CSMD3: variants seen among roughly 807,000 people sequenced by gnomAD.
CSMD3 encodes the protein CUB and Sushi multiple domains 3.
Under a neutral mutation model 435.2 loss-of-function variants are expected in CSMD3, and 177 were observed. The observed-to-expected ratio is 0.41, with a 90% CI of 0.36 to 0.46. The LOEUF (loss-of-function observed/expected upper bound fraction) is 0.46. Ranked by LOEUF, CSMD3 falls within the 20% of genes least tolerant of loss-of-function variation. The pLI is 0.34. For missense variants in CSMD3, 4,265 were observed against 4,504.6 expected, an observed-to-expected ratio of 0.95 and a Z score of 1.52; for synonymous variants, 1,656 against 1,520.5, an observed-to-expected ratio of 1.09 and a Z score of -2.07.
intron 50 of CSMD3, chr8:112,310,765 G>A (rs1821899604): frequency 4.7e-6 from 3 of 644,984 alleles, no homozygotes; most frequent in Non-Finnish European, 8.4e-6. Context: ...AGGCATATAA[G>A]TTGCATAACA....
intron 10 of CSMD3, among the ~76,000 whole-genome samples, chr8:112,913,758 A>G (rs1031671044): frequency 8.8e-5 from 13 of 148,120 alleles, no homozygotes; most frequent in African/African-American, 3.2e-4. Flanking sequence ...AGTTGTCTCT[A>G]TCTTTAATGT....
intron 21 of CSMD3, among the ~76,000 whole-genome samples, chr8:112,638,207 A>T (rs1258869501): frequency 6.8e-6 from 1 of 146,192 alleles, no homozygotes; most frequent in Non-Finnish European, 1.5e-5. Context: ...ATATATAATT[A>T]AAATATATAA....
chr8:112,497,274 A>C (rs1821448880), intron 30 of CSMD3, among the ~76,000 whole-genome samples: 1 of 152,096 alleles, frequency 6.6e-6, no homozygotes, highest in African/African-American at 2.4e-5. Flanking sequence ...AGATAGAATG[A>C]ATAGGGATCT....
intron 4 of CSMD3, among the ~76,000 whole-genome samples, chr8:113,122,511 T>A (rs2091013230): frequency 6.6e-6 from 1 of 152,140 alleles, no homozygotes; most frequent in Admixed American, 6.6e-5. Flanking sequence ...AGGCTACTGA[T>A]GAAATTATGA....
chr8:113,087,609 A>G (rs2131490685), intron 5 of CSMD3, among the ~76,000 whole-genome samples: 1 of 152,198 alleles, frequency 6.6e-6, no homozygotes, highest in Non-Finnish European at 1.5e-5. Flanking sequence ...AAATGGGGAA[A>G]GGATTCCCTA....
intron 65 of CSMD3, 65 bp downstream of exon 65, chr8:112,244,329 T>A (rs2130104054): frequency 7.2e-7 from 1 of 1,386,564 alleles, no homozygotes; most frequent in Middle Eastern, 2.4e-4. Flanking sequence ...TGAGTTTTTG[T>A]CTGGAGCAAA....
intron 30 of CSMD3, among the ~76,000 whole-genome samples, chr8:112,494,725 C>G (rs983324013): frequency 6.6e-5 from 10 of 152,006 alleles, no homozygotes; most frequent in Non-Finnish European, 1.2e-4. Flanking sequence ...GCGATTTTGG[C>G]ATGCTGTATA....
intron 11 of CSMD3, among the ~76,000 whole-genome samples, chr8:112,835,677 C>G (rs187225587): frequency 6.6e-6 from 1 of 151,960 alleles, no homozygotes; most frequent in Admixed American, 6.6e-5. Context: ...AGATTGAATT[C>G]TGGCAAAGAG....
At chr8:113,117,177 C>T (rs1198158505) in intron 4 of CSMD3, among the ~76,000 whole-genome samples, 1 of 152,188 alleles carries the variant, frequency 6.6e-6, no homozygotes, top group Non-Finnish European at 1.5e-5. Flanking sequence ...CATAACAAGC[C>T]TGGAGGGCTA....
intron 2 of CSMD3, among the ~76,000 whole-genome samples, chr8:113,300,685 T>C (rs536519835): frequency 2.0e-5 from 3 of 152,022 alleles, no homozygotes; most frequent in Non-Finnish European, 4.4e-5. Context: ...TGGGAACTAC[T>C]AGATAGGGGA....
At chr8:113,401,761 T>A (rs1417086248) in intron 1 of CSMD3, among the ~76,000 whole-genome samples, 1 of 151,596 alleles carries the variant, frequency 6.6e-6, no homozygotes, top group East Asian at 1.9e-4. Flanking sequence ...ATACCTGTAG[T>A]CACATGTTAT....
At chr8:112,456,170 G>A (rs1427041972) in intron 32 of CSMD3, among the ~76,000 whole-genome samples, 1 of 152,148 alleles carries the variant, frequency 6.6e-6, no homozygotes, top group Non-Finnish European at 1.5e-5. Flanking sequence ...AAAATGAGCA[G>A]TAGAGAACTG....
At chr8:112,881,955 A>C (rs971402126) in intron 10 of CSMD3, among the ~76,000 whole-genome samples, 7 of 151,940 alleles carry the variant, frequency 4.6e-5, no homozygotes, top group Admixed American at 4.6e-4. Flanking sequence ...ATAATATTGT[A>C]CAGAATGTCA....
chr8:112,609,139 T>C (rs1586798590), intron 22 of CSMD3, among the ~76,000 whole-genome samples: 1 of 131,494 alleles, frequency 7.6e-6, no homozygotes. Context: ...GAGGCGGAGG[T>C]TGCAGTGAGC....
chr8:113,212,940 C>T (rs2092856801), intron 3 of CSMD3, among the ~76,000 whole-genome samples: 1 of 149,530 alleles, frequency 6.7e-6, no homozygotes, highest in African/African-American at 2.5e-5. Context: ...GTTAGATGTA[C>T]CTAACCTGGG....
chr8:112,441,745 GC>G (rs1563950055), intron 32 of CSMD3, among the ~76,000 whole-genome samples: 2 of 152,084 alleles, frequency 1.3e-5, no homozygotes, highest in Non-Finnish European at 2.9e-5. Context: ...GGGGGAAAAG[GC>G]CCTTACAAAA....
At chr8:112,511,800 A>G (rs1823173574) in intron 28 of CSMD3, among the ~76,000 whole-genome samples, 1 of 151,822 alleles carries the variant, frequency 6.6e-6, no homozygotes, top group Non-Finnish European at 1.5e-5. Flanking sequence ...TCTTGGAGAC[A>G]CTCCTCTCAA....
chr8:113,427,804 C>A (rs1024930108), intron 1 of CSMD3, among the ~76,000 whole-genome samples: 2 of 151,606 alleles, frequency 1.3e-5, no homozygotes, highest in Non-Finnish European at 3.0e-5. Context: ...ACTTCCATAT[C>A]CTTTAAATTC....
intron 5 of CSMD3, among the ~76,000 whole-genome samples, chr8:113,041,670 T>C: frequency 6.6e-6 from 1 of 152,228 alleles, no homozygotes; most frequent in Admixed American, 6.5e-5. Flanking sequence ...TTTTCCCCAC[T>C]TTATTGTCTT....
Sources: gnomAD v4.1 joint callset for allele counts (sites outside exome capture counted in the v4.1 genomes callset) on GRCh38, gnomAD v4.1.1 for gene constraint, MANE v1.5 for transcripts, NCBI Gene and HGNC (gene_info 2026-07-23, HGNC 2026-07-21) for gene names.